The following TMEM267 variants were observed in gnomAD, a reference collection of about 807,000 sequenced individuals.
TMEM267 encodes transmembrane protein C5orf28.
In TMEM267, 20 loss-of-function variants were observed where a neutral mutation model predicts 19.3. That is an observed-to-expected ratio of 1.04 (90% CI 0.73 to 1.51). The LOEUF (loss-of-function observed/expected upper bound fraction) is 1.51, where lower values mean the gene tolerates loss of function less well. Among genes scored for constraint, TMEM267 ranks in the 40% most tolerant of loss-of-function variants. The pLI, the probability that TMEM267 is intolerant of heterozygous loss-of-function variation, is 0.00. For synonymous variants in TMEM267, 88 were observed against 90.3 expected (o/e 0.97, Z 0.15); for missense variants, 242 against 261.9 (o/e 0.92, Z 0.52).
At chr5:43,475,760 C>T (rs6451704) in intron 1 of TMEM267, among the ~76,000 whole-genome samples, 85,558 of 151,836 alleles carry the variant, frequency 0.56, 25,978 homozygotes, top group African/African-American at 0.77. Context: ...AAGGTATGAA[C>T]TAAAACAATT....
At chr5:43,467,292 T>A (rs1349357251) in intron 1 of TMEM267, among the ~76,000 whole-genome samples, 2 of 152,110 alleles carry the variant, frequency 1.3e-5, no homozygotes, top group Admixed American at 1.3e-4. Context: ...AGCCATAGAC[T>A]GGCTGAATGT....
chr5:43,479,739 C>T, intron 1 of TMEM267: 1 of 314,756 alleles, frequency 3.2e-6, no homozygotes, highest in South Asian at 2.6e-5. Context: ...TACAACAATG[C>T]TCATTCTTGA....
chr5:43,479,470 G>A (rs1744624528), intron 1 of TMEM267, among the ~76,000 whole-genome samples: 1 of 148,914 alleles, frequency 6.7e-6, no homozygotes, highest in South Asian at 2.1e-4. Flanking sequence ...GTTAAAGTCA[G>A]TCTCTTAAAA....
intron 1 of TMEM267, among the ~76,000 whole-genome samples, chr5:43,475,872 C>T (rs555539176): frequency 1.7e-4 from 26 of 152,254 alleles, no homozygotes; most frequent in African/African-American, 6.3e-4. Context: ...CAACAAAACT[C>T]TATTAAAAGA....
Position 43,454,058 on chromosome 5 carries a change from A to G in TMEM267, c.-74-15T>C. On this transcript the variant is annotated splice_polypyrimidine_tract_variant and intron_variant, in intron 1 of 2. Transcript: ENST00000397080. ...TTTCCAGCACCCTAAAGGAGAAAGT[A>G]GAGAAAAATATGAATGAAGATTATG... is the stretch of plus-strand genomic sequence containing the variant. 2 of 1,484,070 alleles carry G rather than the reference A, an allele frequency of 1.3e-6. No homozygotes were observed. The highest frequency in any genetic ancestry group is 1.8e-6 in the Non-Finnish European group (2 of 1,111,648). The allele number at this position is 1,484,070 out of a possible 1,614,324, so 91.9% of individuals were successfully genotyped here.
chr5:43,451,311 G>A (rs1742572832), intron 2 of TMEM267, among the ~76,000 whole-genome samples: 1 of 152,112 alleles, frequency 6.6e-6, no homozygotes, highest in African/African-American at 2.4e-5. Context: ...AATCAATAGA[G>A]TAAACAGACA....
intron 1 of TMEM267, among the ~76,000 whole-genome samples, chr5:43,456,126 A>G (rs576407479): frequency 6.6e-6 from 1 of 151,980 alleles, no homozygotes; most frequent in Non-Finnish European, 1.5e-5. Context: ...ATGAGCCATC[A>G]TGCCCAGCCT....
intron 1 of TMEM267, among the ~76,000 whole-genome samples, chr5:43,474,891 G>C (rs1336133427): frequency 6.6e-6 from 1 of 152,204 alleles, no homozygotes; most frequent in East Asian, 1.9e-4. Context: ...ATGCTGGAGA[G>C]GATGTGGAGA....
chr5:43,446,054 G>A lies in TMEM267; in HGVS notation c.*168C>T, dbSNP rs1579777339. 4 of 472,688 alleles carry A rather than the reference G, an allele frequency of 8.5e-6. No homozygotes were observed. The highest frequency in any genetic ancestry group is 3.9e-5 in the Admixed American group (1 of 25,666). The allele number at this position is 472,688 out of a possible 1,614,324, so 29.3% of individuals were successfully genotyped here. ...GAAGAGAGAAGTAGAATAATAACAA[G>A]TATAATTTTTAAAAAAGTTGTATAC... On this transcript the variant is annotated 3_prime_UTR_variant, in exon 3 of 3. Transcript: ENST00000397080.
Position 43,453,898 on chromosome 5 carries a change from A to G in TMEM267, c.72T>C (p.Leu24=). ...TCSTESLISS[L]GLGAFCLVAD... is the part of the protein sequence containing the mutation. The stretch of plus-strand genomic sequence containing the variant: ...CTACGAGGCAAAATGCCCCCAGACC[A>G]AGGCTGGAAATAAGAGATTCAGTGC... The change falls in exon 2 of 3, where the codon CTT becomes CTC. Residue 24 remains leucine, a synonymous_variant. Coordinates refer to ENST00000397080, the MANE Select transcript of TMEM267 (RefSeq NM_022483.5). 6.2e-7 allele frequency: 1 copy of G among 1,614,114 alleles called. No individual in the cohort carries two copies.
chr5:43,448,644 T>C (rs935209692), intron 2 of TMEM267, among the ~76,000 whole-genome samples: 1 of 151,900 alleles, frequency 6.6e-6, no homozygotes, highest in African/African-American at 2.4e-5. Flanking sequence ...GGCATGGTGG[T>C]GCATGCCTGT....
intron 1 of TMEM267, among the ~76,000 whole-genome samples, chr5:43,474,759 C>CAAA (rs1175355175): frequency 0.051 from 2,906 of 57,330 alleles, 74 homozygotes; most frequent in African/African-American, 0.11. Flanking sequence ...AACTCTGTCT[C>CAAA]AAAAAAAAAA....
chr5:43,481,106 CTTTTTTTTTT>C (rs70994700), intron 1 of TMEM267, among the ~76,000 whole-genome samples: 3 of 124,454 alleles, frequency 2.4e-5, no homozygotes, highest in Non-Finnish European at 5.0e-5. Context: ...GCCCGGCTTA[CTTTTTTTTTT>C]TTTTTTTTTT....
chr5:43,447,331 C>A (rs2112001836), intron 2 of TMEM267, among the ~76,000 whole-genome samples: 1 of 152,166 alleles, frequency 6.6e-6, no homozygotes, highest in Non-Finnish European at 1.5e-5. Flanking sequence ...CTCAGATGAT[C>A]CACCCACCTT....
chr5:43,464,897 C>G (rs1319138209), intron 1 of TMEM267, among the ~76,000 whole-genome samples: 3 of 152,154 alleles, frequency 2.0e-5, no homozygotes, highest in Non-Finnish European at 4.4e-5. Flanking sequence ...CAGGCATGGG[C>G]AAGGACTTCA....
chr5:43,484,357 T>A (rs1744996953), upstream of TMEM267: 2 of 152,194 alleles, frequency 1.3e-5, no homozygotes, highest in African/African-American at 4.8e-5. Flanking sequence ...GCAACGGAGC[T>A]TTTCACCAGA....
chr5:43,475,504 C>T (rs1261163371), intron 1 of TMEM267, among the ~76,000 whole-genome samples: 1 of 151,842 alleles, frequency 6.6e-6, no homozygotes, highest in Admixed American at 6.6e-5. Flanking sequence ...TGCACATGTA[C>T]CCCAGAACTT....
chr5:43,460,232 G>A (rs181845281), intron 1 of TMEM267, among the ~76,000 whole-genome samples: 69 of 152,236 alleles, frequency 4.5e-4, no homozygotes, highest in Middle Eastern at 3.4e-3. Flanking sequence ...CTAGCCTGCC[G>A]TTCACCTCCT....
chr5:43,450,441 G>A (rs1369781529), intron 2 of TMEM267, among the ~76,000 whole-genome samples: 1 of 152,220 alleles, frequency 6.6e-6, no homozygotes, highest in East Asian at 1.9e-4. Flanking sequence ...TATGGTGGAT[G>A]TAAAATATTT....
Sources: allele counts gnomAD v4.1 joint callset (sites outside exome capture counted in the v4.1 genomes callset), GRCh38; gene constraint gnomAD v4.1.1; transcripts MANE v1.5; gene names NCBI Gene and HGNC (gene_info 2026-07-23, HGNC 2026-07-21).